Variants in CCHCR1 observed in about 807,000 individuals in gnomAD.
CCHCR1 encodes the protein HCR (a-helix coiled-coil rod homologue).
CCHCR1 carries 91 observed loss-of-function variants against 114.6 expected under a neutral mutation model. The observed-to-expected ratio is 0.79, with a 90% confidence interval of 0.67 to 0.94. CCHCR1 has a LOEUF of 0.94. Among genes scored for constraint, CCHCR1 ranks in the 40% least tolerant of loss-of-function variants. The pLI is 0.00. For missense variants in CCHCR1, 899 were observed against 1,079.9 expected (o/e 0.83, Z 2.35); for synonymous variants, 379 against 428.5 (o/e 0.88, Z 1.43).
chr6:31,156,627 A>C, intron 3 of CCHCR1, 104 bp downstream of exon 3: 3 of 908,448 alleles, frequency 3.3e-6, no homozygotes, highest in Middle Eastern at 3.3e-4. Context: ...CATAAAAATG[A>C]GTACGTTCTG....
At position 31,144,331 on chromosome 6, in the gene CCHCR1, G is replaced by T. The variant is rs1265079; in HGVS notation, c.2167+356C>A. Among the ~76,000 whole-genome samples the T allele has an allele frequency of 0.28, 42,680 of 151,834 alleles. 6,186 individuals carry two copies. Among genetic ancestry groups the T allele is most frequent in the Middle Eastern group, 0.41 (120 of 294 alleles). On this transcript the variant is annotated intron_variant, in intron 15 of 17. Transcript: ENST00000396268. This position sits in a 1 kb window ranked among gnomAD's most constrained non-coding sequence, Gnocchi z 4.6. ...ACATCAGCCTCACAAGTAAGCTTGG[G>T]GTACAGGTGCCCACCACCAGGCCTA...
At position 31,157,748 on chromosome 6, in the gene CCHCR1, T is replaced by C; in HGVS notation, c.-148A>G. ...CTATCCCCTTAGCTTCCATGCCTGC[T>C]GCCCGCCTCCTCTTTCTCGAGTCCT... is the stretch of plus-strand genomic sequence containing the variant. On this transcript the variant is annotated 5_prime_UTR_variant, in exon 1 of 18. Coordinates refer to ENST00000396268, the MANE Select transcript of CCHCR1 (RefSeq NM_001105564.2). 2 of 641,870 alleles carry C rather than the reference T, an allele frequency of 3.1e-6. No homozygotes were observed. The highest frequency in any genetic ancestry group is 3.9e-5 in the South Asian group (2 of 51,540). The allele number at this position is 641,870 out of a possible 1,614,324, so 39.8% of individuals were successfully genotyped here. A position where few individuals can be genotyped will look rare whatever the true frequency, so the allele number is the denominator to read the frequency against.
In CCHCR1 at chr6:31,142,638, T is replaced by C. The variant is rs148408896; in HGVS notation, c.2570A>G (p.Asp857Gly). 199 of 1,613,030 alleles carry C rather than the reference T, an allele frequency of 1.2e-4. No homozygotes were observed. The highest frequency in any genetic ancestry group is 1.6e-4 in the Non-Finnish European group (187 of 1,179,610). The change falls in exon 18 of 18, where the codon GAC becomes GGC. Residue 857 changes from aspartate (D) to glycine (G), a missense_variant. Coordinates refer to ENST00000396268, the MANE Select transcript of CCHCR1 (RefSeq NM_001105564.2). ...ISKEEAVCQG[D>G]NLDRCSSSNP... The stretch of plus-strand genomic sequence containing the variant: ...GGAGCTGGAGCATCTGTCAAGGTTG[T>C]CTCCTTGACAAACAGCTTCCTCTTT...
intron 3 of CCHCR1, among the ~76,000 whole-genome samples, chr6:31,155,521 G>A (rs1404409419): frequency 2.0e-5 from 3 of 151,300 alleles, no homozygotes; most frequent in Non-Finnish European, 2.9e-5. Context: ...GGAGAATGGC[G>A]TCAACCTGGG....
In CCHCR1 at chr6:31,157,039, CT is replaced by C. The variant is rs1446332830; in HGVS notation, c.266del (p.Glu89GlyfsTer11). The C allele has an allele frequency of 1.2e-6, 2 of 1,612,302 alleles. No individual in the cohort carries two copies. Among genetic ancestry groups the C allele is most frequent in the African/African-American group, 2.7e-5 (2 of 74,906 alleles). On this transcript the variant is annotated frameshift_variant, in exon 2 of 18. Transcript: ENST00000396268. LOFTEE classifies it high-confidence loss of function. ...RQNLEPSNNV[E>X]MFPPSGSTGL... ...CCCACTGACCTGAAGGTGGAAACATCTCCACATTATTTGAAGGCTCTAGATT... is the reference window on the plus strand; with the variant it reads ...CCCACTGACCTGAAGGTGGAAACATCCCACATTATTTGAAGGCTCTAGATT...
At chr6:31,145,993 C>T (rs544558125) in intron 10 of CCHCR1, among the ~76,000 whole-genome samples, 185 bp from the exon 11 acceptor site, 4 of 152,312 alleles carry the variant, frequency 2.6e-5, no homozygotes, top group African/African-American at 9.6e-5. Flanking sequence ...TTTTAAGCAA[C>T]CTGTTAAGCT....
Position 31,145,463 on chromosome 6 carries a change from T to A in CCHCR1, c.1724A>T (p.Gln575Leu). 6.2e-7 allele frequency: 1 copy of A among 1,613,992 alleles called. No homozygotes were observed. The change falls in exon 12 of 18, where the codon CAG becomes CTG. Residue 575 changes from glutamine to leucine, a missense_variant. By Grantham distance (113) the Gln-to-Leu change is moderately radical (BLOSUM62 -2). Transcript: ENST00000396268. ...CAAACTTCACCTCTCCTGGCGCAGCTGAGCAAGGGCAAGCTTTCGAGCAAT... is the reference window on the plus strand; with the variant it reads ...CAAACTTCACCTCTCCTGGCGCAGCAGAGCAAGGGCAAGCTTTCGAGCAAT... ...GLIARKLALA[Q>L]LRQESCPLPP...
intron 4 of CCHCR1, among the ~76,000 whole-genome samples, chr6:31,152,258 G>T (rs963986808): frequency 6.8e-6 from 1 of 146,886 alleles, no homozygotes; most frequent in African/African-American, 2.5e-5. Flanking sequence ...CTCCAGCCTG[G>T]GCGACAGAGC....
chr6:31,154,862 T>C lies in CCHCR1; in HGVS notation c.498-63A>G. ...AGTGCTGGAAGGATAGTTGAGGGCA[T>C]AAACATAGCCAGGAGAAGGAAAAGA... On this transcript the variant is annotated intron_variant, in intron 3 of 17. Transcript: ENST00000396268. This position sits in a 1 kb window ranked among gnomAD's most constrained non-coding sequence, Gnocchi z 4.1. 6.9e-7 allele frequency: 1 copy of C among 1,443,890 alleles called. No homozygotes were observed. The highest frequency in any genetic ancestry group is 9.3e-7 in the Non-Finnish European group (1 of 1,078,980). 89.4% of individuals were successfully genotyped at this position (1,443,890 alleles called of 1,614,324 possible). A position where few individuals can be genotyped will look rare whatever the true frequency, so the allele number is the denominator to read the frequency against.
intron 3 of CCHCR1, among the ~76,000 whole-genome samples, chr6:31,156,074 C>T (rs1394260024): frequency 2.0e-5 from 3 of 152,244 alleles, no homozygotes; most frequent in African/African-American, 4.8e-5. Context: ...CCATATCTGG[C>T]TCGCTCTTTC....
At chr6:31,145,529 G>C (rs1774207448) in intron 11 of CCHCR1, 36 bp from the exon 12 acceptor site, 2 of 1,606,196 alleles carry the variant, frequency 1.2e-6, no homozygotes, top group Non-Finnish European at 1.7e-6. Flanking sequence ...AAGAGATGAA[G>C]TTTGCATGGG....
intron 3 of CCHCR1, chr6:31,156,170 T>C (rs1775975995): frequency 6.6e-6 from 1 of 152,568 alleles, no homozygotes; most frequent in South Asian, 2.1e-4. Flanking sequence ...AAACTAGAAA[T>C]AGAGTCTCTG....
intron 4 of CCHCR1, among the ~76,000 whole-genome samples, chr6:31,153,141 G>A (rs1561819139): frequency 1.3e-5 from 2 of 151,950 alleles, no homozygotes; most frequent in Admixed American, 1.3e-4. Flanking sequence ...GACTATACCC[G>A]GCTAATTTTT....
intron 12 of CCHCR1, 51 bp from the exon 13 acceptor site, chr6:31,145,353 C>T: frequency 4.3e-6 from 7 of 1,612,624 alleles, no homozygotes; most frequent in Non-Finnish European, 5.9e-6. Context: ...CTGCCTGATC[C>T]CAAAGCCCCC....
rs1554130627 is a variant in CCHCR1, at chr6:31,157,534, T to C, written c.67A>G (p.Met23Val). 1 of 1,613,078 alleles carries C rather than the reference T, an allele frequency of 6.2e-7. No individual in the cohort carries two copies. The highest frequency in any genetic ancestry group is 8.5e-7 in the Non-Finnish European group (1 of 1,180,024). Reference sequence around the variant, plus strand: ...AGCCCATCCAGACACCAGCAGGCCATGACTCTTGGGTCCTTCCCTGTTAAA... The same window carrying C: ...AGCCCATCCAGACACCAGCAGGCCACGACTCTTGGGTCCTTCCCTGTTAAA... ...STLTGKDPRV[M>V]ACWCLDGLPS... Residue 23 changes from methionine to valine, a missense_variant, in exon 1 of 18, where the codon ATG (methionine) becomes GTG (valine). Coordinates refer to ENST00000396268, the MANE Select transcript of CCHCR1 (RefSeq NM_001105564.2).
At chr6:31,155,520 C>T (rs1045183215) in intron 3 of CCHCR1, among the ~76,000 whole-genome samples, 2 of 144,062 alleles carry the variant, frequency 1.4e-5, no homozygotes, top group African/African-American at 5.2e-5. Flanking sequence ...AGGAGAATGG[C>T]GTCAACCTGG....
At position 31,142,685 on chromosome 6, in the gene CCHCR1, C is replaced by G. The variant is rs768247849; in HGVS notation, c.2523G>C (p.Gln841His). 11 of 1,612,774 alleles carry G rather than the reference C, an allele frequency of 6.8e-6. No homozygotes were observed. The highest frequency in any genetic ancestry group is 8.5e-7 in the Non-Finnish European group (1 of 1,179,956). ...GSLSVLLDDL[Q>H]DLSEAISKEE... ...CTTTGGAAATGGCTTCACTCAGGTC[C>G]TGCAGGTCATCGAGCAGGACAGAGA... Residue 841 changes from glutamine (Q) to histidine (H), a missense_variant, in exon 18 of 18, where the codon CAG (glutamine) becomes CAC (histidine). Coordinates refer to ENST00000396268, the MANE Select transcript of CCHCR1 (RefSeq NM_001105564.2).
chr6:31,145,400 C>A (rs974221994), intron 12 of CCHCR1, 48 bp downstream of exon 12: 1 of 1,613,068 alleles, frequency 6.2e-7, no homozygotes, highest in Non-Finnish European at 8.5e-7. Flanking sequence ...GGGGTCCCAG[C>A]AGCCAATGCC....
upstream of CCHCR1, chr6:31,158,045 CTCTTCAT>C: frequency 5.0e-6 from 1 of 200,324 alleles, no homozygotes; most frequent in Non-Finnish European, 1.0e-5. Context: ...CTGTTCTGAT[CTCTTCAT>C]CTGTCCCTTC....
Sources: gnomAD v4.1 joint callset for allele counts (sites outside exome capture counted in the v4.1 genomes callset) on GRCh38, gnomAD v4.1.1 for gene constraint, Gnocchi (gnomAD v3.1) non-coding constraint, MANE v1.5 for transcripts, NCBI Gene and HGNC (gene_info 2026-07-23, HGNC 2026-07-21) for gene names.